The following SPAG16 variants were observed in gnomAD, a reference collection of about 807,000 sequenced individuals.
SPAG16 encodes the protein sperm associated antigen 16, also known as sperm-associated antigen 16 protein.
In SPAG16, 86 loss-of-function variants were observed where a neutral mutation model predicts 80.4. The ratio of observed to expected loss-of-function variants is 1.07; its 90% CI spans 0.90 to 1.28. The LOEUF (loss-of-function observed/expected upper bound fraction) is 1.28, where lower values mean the gene tolerates loss of function less well. Among genes scored for constraint, SPAG16 ranks in the 50% most tolerant of loss-of-function variants. The probability of loss-of-function intolerance (pLI) is 0.00; values close to 1 mark genes in which losing one functional copy is unlikely to be tolerated. For missense variants in SPAG16, 870 were observed against 765.3 expected (o/e 1.14, Z -1.61); for synonymous variants, 294 against 265.9 (o/e 1.11, Z -1.03).
chr2:213,358,476 A>G (rs2065796007), intron 7 of SPAG16, among the ~76,000 whole-genome samples: 1 of 151,888 alleles, frequency 6.6e-6, no homozygotes, highest in South Asian at 2.1e-4. Flanking sequence ...TTTTTCTCTA[A>G]TCTTGTCTTC....
At chr2:213,362,337 C>T (rs1036892070) in intron 7 of SPAG16, among the ~76,000 whole-genome samples, 1 of 152,154 alleles carries the variant, frequency 6.6e-6, no homozygotes. Flanking sequence ...ATCTCCCATA[C>T]AGAAGAATCT....
intron 15 of SPAG16, among the ~76,000 whole-genome samples, chr2:214,182,784 G>A (rs1433901695): frequency 6.6e-6 from 1 of 151,812 alleles, no homozygotes; most frequent in East Asian, 1.9e-4. Context: ...CTTACAAGGT[G>A]CCAGAATCAT....
At chr2:214,150,381 T>A (rs1364364236) in intron 15 of SPAG16, among the ~76,000 whole-genome samples, 2 of 152,052 alleles carry the variant, frequency 1.3e-5, no homozygotes, top group Admixed American at 6.6e-5. Context: ...TTAAAAATGT[T>A]TTAGTAATAT....
chr2:213,877,369 G>T (rs984976273), intron 11 of SPAG16, among the ~76,000 whole-genome samples: 1 of 152,002 alleles, frequency 6.6e-6, no homozygotes, highest in Non-Finnish European at 1.5e-5. Flanking sequence ...GAGTGTGGTG[G>T]TGTGATCTTG....
At chr2:214,034,228 A>C (rs1047597402) in intron 13 of SPAG16, among the ~76,000 whole-genome samples, 3 of 152,240 alleles carry the variant, frequency 2.0e-5, no homozygotes, top group Non-Finnish European at 4.4e-5. Flanking sequence ...CAGTGTCATT[A>C]ACGGTGATGT....
chr2:213,608,560 A>T (rs1652579852), intron 10 of SPAG16, among the ~76,000 whole-genome samples: 1 of 152,144 alleles, frequency 6.6e-6, no homozygotes, highest in Admixed American at 6.5e-5. Context: ...CATTTTCTTA[A>T]TCCAGTCTAT....
At chr2:214,374,374 C>T (rs925596251) in intron 15 of SPAG16, among the ~76,000 whole-genome samples, 12 of 152,164 alleles carry the variant, frequency 7.9e-5, no homozygotes, top group Non-Finnish European at 1.6e-4. Flanking sequence ...TAAAATATAT[C>T]TGATGATACA....
intron 10 of SPAG16, among the ~76,000 whole-genome samples, chr2:213,833,343 G>T (rs2073781596): frequency 7.3e-6 from 1 of 136,338 alleles, no homozygotes; most frequent in Non-Finnish European, 1.5e-5. Flanking sequence ...TATTAACCCT[G>T]GTATAACCAT....
chr2:213,489,800 C>G (rs896343599), intron 9 of SPAG16, among the ~76,000 whole-genome samples, 163 bp from the exon 10 acceptor site: 7 of 151,320 alleles, frequency 4.6e-5, no homozygotes, highest in Non-Finnish European at 1.0e-4. Flanking sequence ...AAAATTTTAT[C>G]TTTTTAAATA....
intron 10 of SPAG16, among the ~76,000 whole-genome samples, chr2:213,532,172 T>G (rs1309728174): frequency 6.6e-6 from 1 of 152,206 alleles, no homozygotes; most frequent in Non-Finnish European, 1.5e-5. Context: ...AAACAAAATC[T>G]TATAAATTAT....
chr2:213,739,073 A>C (rs1168243051), intron 10 of SPAG16, among the ~76,000 whole-genome samples: 1 of 152,218 alleles, frequency 6.6e-6, no homozygotes, highest in African/African-American at 2.4e-5. Flanking sequence ...CTCATGACAG[A>C]AAAGTCAGTT....
intron 9 of SPAG16, among the ~76,000 whole-genome samples, chr2:213,488,831 C>CGTGGA (rs2074108217): frequency 6.8e-6 from 1 of 148,130 alleles, no homozygotes; most frequent in South Asian, 2.2e-4. Context: ...AATCCCACCA[C>CGTGGA]TTTGGGAGGC....
At chr2:213,686,451 A>T (rs1009066961) in intron 10 of SPAG16, among the ~76,000 whole-genome samples, 1 of 151,632 alleles carries the variant, frequency 6.6e-6, no homozygotes, top group Non-Finnish European at 1.5e-5. Flanking sequence ...TCTGAAATTT[A>T]TTTTTCTTAT....
At chr2:214,118,493 G>A (rs58228952) in intron 14 of SPAG16, among the ~76,000 whole-genome samples, 4,312 of 152,138 alleles carry the variant, frequency 0.028, 218 homozygotes, top group African/African-American at 0.099. Flanking sequence ...GTTCCACATC[G>A]TTGGGGAGGC....
At chr2:214,006,928 T>C (rs866929306) in intron 12 of SPAG16, among the ~76,000 whole-genome samples, 9 of 152,200 alleles carry the variant, frequency 5.9e-5, no homozygotes, top group Non-Finnish European at 1.2e-4. Context: ...TAATATATCA[T>C]TGAAGAATTG....
At chr2:213,553,244 AC>A (rs1222664628) in intron 10 of SPAG16, among the ~76,000 whole-genome samples, 1 of 152,162 alleles carries the variant, frequency 6.6e-6, no homozygotes, top group Non-Finnish European at 1.5e-5. Context: ...AAACCAAAAT[AC>A]CCCAGAAGCA....
At chr2:214,329,432 A>C (rs1696732295) in intron 15 of SPAG16, among the ~76,000 whole-genome samples, 1 of 152,272 alleles carries the variant, frequency 6.6e-6, no homozygotes, top group Admixed American at 6.5e-5. Context: ...TGAATAGATA[A>C]CATAGAATCA....
At chr2:214,365,979 G>GTT (rs200531261) in intron 15 of SPAG16, among the ~76,000 whole-genome samples, 3,473 of 140,714 alleles carry the variant, frequency 0.025, 132 homozygotes, top group African/African-American at 0.084. Context: ...TATTTGCCAG[G>GTT]TTTTTTTTTT....
chr2:213,618,271 A>C (rs2061662539), intron 10 of SPAG16, among the ~76,000 whole-genome samples: 1 of 152,174 alleles, frequency 6.6e-6, no homozygotes, highest in South Asian at 2.1e-4. Context: ...CATTTTCTCA[A>C]AGGGAAATCT....
Sources: allele counts gnomAD v4.1 joint callset (sites outside exome capture counted in the v4.1 genomes callset), GRCh38; gene constraint gnomAD v4.1.1; transcripts MANE v1.5; gene names NCBI Gene and HGNC (gene_info 2026-07-23, HGNC 2026-07-21).